Variants in PEX7 observed in about 807,000 individuals in gnomAD.
PEX7 encodes peroxisomal biogenesis factor 7.
Under a neutral mutation model 47.5 loss-of-function variants are expected in PEX7, and 34 were observed. The ratio of observed to expected loss-of-function variants is 0.72; its 90% CI spans 0.54 to 0.95. The LOEUF is 0.95. Among genes scored for constraint, PEX7 ranks in the 40% least tolerant of loss-of-function variants. PEX7 has a pLI of 0.00. For synonymous variants in PEX7, 141 were observed against 148.8 expected (o/e 0.95, Z 0.38); for missense variants, 394 against 400.3 (o/e 0.98, Z 0.13).
At chr6:136,826,667 A>C (rs1332137107) in intron 3 of PEX7, among the ~76,000 whole-genome samples, 198 bp downstream of exon 3, 1 of 151,806 alleles carries the variant, frequency 6.6e-6, no homozygotes, top group Non-Finnish European at 1.5e-5. Flanking sequence ...GGGAAAGAAA[A>C]GAAAAGGTCA....
chr6:136,872,909 A>AG (rs1281963993), intron 8 of PEX7, among the ~76,000 whole-genome samples: 1 of 152,174 alleles, frequency 6.6e-6, no homozygotes, highest in Non-Finnish European at 1.5e-5. Context: ...TTTGAAAAAA[A>AG]CAATCTTACT....
At chr6:136,847,605 C>G (rs1475508915) in intron 5 of PEX7, among the ~76,000 whole-genome samples, 1 of 151,810 alleles carries the variant, frequency 6.6e-6, no homozygotes, top group Non-Finnish European at 1.5e-5. Context: ...ATAGGGAATC[C>G]TTTCCCCATT....
At chr6:136,865,984 GAGGC>G (rs768412564) in intron 5 of PEX7, among the ~76,000 whole-genome samples, 14 of 152,080 alleles carry the variant, frequency 9.2e-5, no homozygotes, top group Non-Finnish European at 2.1e-4. Context: ...TCGGGAGGCT[GAGGC>G]AGGAGAATCA....
chr6:136,871,329 G>A (rs1208346428), intron 7 of PEX7, among the ~76,000 whole-genome samples: 2 of 152,104 alleles, frequency 1.3e-5, no homozygotes, highest in African/African-American at 4.8e-5. Context: ...GACGTTACTT[G>A]TCTTTAAACT....
intron 8 of PEX7, 74 bp from the exon 9 acceptor site, chr6:136,898,068 T>C (rs1304082709): frequency 1.1e-6 from 1 of 877,146 alleles, no homozygotes; most frequent in African/African-American, 1.7e-5. Flanking sequence ...CTATGTCAAA[T>C]ATCTATTTTT....
intron 3 of PEX7, among the ~76,000 whole-genome samples, chr6:136,842,139 T>C (rs576186731): frequency 6.7e-4 from 102 of 151,814 alleles, no homozygotes; most frequent in African/African-American, 2.3e-3. Context: ...AGACTGCAGG[T>C]GCCTGCCATC....
At position 136,869,934 on chromosome 6, in the gene PEX7, G is replaced by A. The variant is rs1439816861; in HGVS notation, c.678G>A (p.Trp226Ter). 3 of 1,613,976 alleles carry A rather than the reference G, an allele frequency of 1.9e-6. No individual in the cohort carries two copies. The highest frequency in any genetic ancestry group is 1.7e-6 in the Non-Finnish European group (2 of 1,179,950). ...TGAVDCSLRGWDLRNVRQPVF... is the reference protein window; with the variant it reads ...TGAVDCSLRG ...CGGTTGACTGTAGTTTGAGAGGCTG[G>A]GACTTAAGGAATGTACGACAACCAG... Residue 226 changes from tryptophan to a stop codon, truncating the protein, a stop_gained, in exon 7 of 10, where the codon TGG becomes TGA. Coordinates refer to ENST00000318471, the MANE Select transcript of PEX7 (RefSeq NM_000288.4). LOFTEE classifies it high-confidence loss of function.
chr6:136,826,732 C>T (rs1344397857), intron 3 of PEX7, among the ~76,000 whole-genome samples: 1 of 152,078 alleles, frequency 6.6e-6, no homozygotes, highest in Non-Finnish European at 1.5e-5. Flanking sequence ...GCACCATTTC[C>T]TCCTGAGAGG....
At chr6:136,880,450 G>C (rs1775357211) in intron 8 of PEX7, among the ~76,000 whole-genome samples, 2 of 152,176 alleles carry the variant, frequency 1.3e-5, no homozygotes, top group Admixed American at 6.5e-5. Context: ...GTTAGACCTA[G>C]TCCTAGCTCC....
intron 8 of PEX7, among the ~76,000 whole-genome samples, chr6:136,875,541 A>G (rs533919098): frequency 2.0e-5 from 3 of 152,242 alleles, no homozygotes; most frequent in Non-Finnish European, 4.4e-5. Flanking sequence ...TCTATGGAAC[A>G]TATTGAAATT....
At chr6:136,864,621 C>G (rs1365771515) in intron 5 of PEX7, among the ~76,000 whole-genome samples, 1 of 152,100 alleles carries the variant, frequency 6.6e-6, no homozygotes, top group Non-Finnish European at 1.5e-5. Flanking sequence ...CCTAGGATAG[C>G]TAAATTTAGC....
chr6:136,832,692 G>C (rs143584747), intron 3 of PEX7, among the ~76,000 whole-genome samples: 100 of 152,298 alleles, frequency 6.6e-4, no homozygotes, highest in African/African-American at 2.1e-3. Context: ...ATGCTTTGGT[G>C]CTTAGAAATC....
In PEX7 at chr6:136,900,703, A is replaced by G. The variant is rs913829188; in HGVS notation, c.903+2462A>G. On this transcript the variant is annotated intron_variant, in intron 9 of 9. Coordinates refer to ENST00000318471, the MANE Select transcript of PEX7 (RefSeq NM_000288.4). The surrounding 1 kb of genome is among the most constrained non-coding windows in gnomAD (Gnocchi z 4.2). ...GATGGGATCCACGTCATGTGCAGTC[A>G]CCGCCAGCTGAGCCTTCTTCTTCTC... The G allele has an allele frequency of 2.9e-6, 1 of 344,238 alleles. No individual in the cohort carries two copies. The allele number at this position is 344,238 out of a possible 1,614,324, so 21.3% of individuals were successfully genotyped here. A position where few individuals can be genotyped will look rare whatever the true frequency, so the allele number is the denominator to read the frequency against.
rs561593926 is a variant in PEX7 at position 136,899,374 on chromosome 6, CT to C, written c.903+1134del. Among the ~76,000 whole-genome samples, 449 of 152,218 alleles carry C rather than the reference CT, an allele frequency of 2.9e-3. 2 individuals carry two copies. Among genetic ancestry groups the C allele is most frequent in the Non-Finnish European group, 4.5e-3 (308 of 68,016 alleles). ...TCTCCTGCCTCAGCCTCCTGAGTAG[CT>C]GGGATTACAGGCACATGCCACCATG... On this transcript the variant is annotated intron_variant, in intron 9 of 9. Coordinates refer to ENST00000318471, the MANE Select transcript of PEX7 (RefSeq NM_000288.4).
At chr6:136,833,816 T>C (rs1272458236) in intron 3 of PEX7, among the ~76,000 whole-genome samples, 1 of 152,258 alleles carries the variant, frequency 6.6e-6, no homozygotes, top group Non-Finnish European at 1.5e-5. Flanking sequence ...TTACCTTCTT[T>C]TGGCTTTGTT....
intron 9 of PEX7, among the ~76,000 whole-genome samples, chr6:136,910,237 G>T (rs1775911763): frequency 6.6e-6 from 1 of 152,150 alleles, no homozygotes; most frequent in South Asian, 2.1e-4. Context: ...GTTCTAATAA[G>T]ACATGGTCCA....
chr6:136,823,069 C>T, intron 1 of PEX7: 1 of 985,442 alleles, frequency 1.0e-6, no homozygotes, highest in South Asian at 4.7e-5. Context: ...ACCGCGCTGC[C>T]TCCGCCACGT....
intron 9 of PEX7, among the ~76,000 whole-genome samples, chr6:136,905,761 C>G (rs897927521): frequency 2.6e-5 from 4 of 152,162 alleles, no homozygotes; most frequent in African/African-American, 9.7e-5. Context: ...GCTAGTGATA[C>G]TTGCCCTATG....
chr6:136,892,837 C>A (rs777317633), intron 8 of PEX7, among the ~76,000 whole-genome samples: 1 of 152,132 alleles, frequency 6.6e-6, no homozygotes, highest in Non-Finnish European at 1.5e-5. Context: ...TGTATTAATT[C>A]TTCTGCCTAA....
Sources: allele counts gnomAD v4.1 joint callset (sites outside exome capture counted in the v4.1 genomes callset), GRCh38; gene constraint gnomAD v4.1.1; non-coding constraint Gnocchi (gnomAD v3.1); transcripts MANE v1.5; gene names NCBI Gene and HGNC (gene_info 2026-07-23, HGNC 2026-07-21).